Variants in IQCM observed in about 807,000 individuals in gnomAD.
IQCM encodes IQ domain-containing protein M.
A neutral mutation model predicts 57.6 loss-of-function variants in IQCM; 45 were observed. The ratio of observed to expected loss-of-function variants is 0.78; its 90% CI spans 0.62 to 1.00. The LOEUF (loss-of-function observed/expected upper bound fraction) is 1.00, where lower values mean the gene tolerates loss of function less well. Among genes scored for constraint, IQCM ranks in the 50% least tolerant of loss-of-function variants. The pLI is 0.00. For synonymous variants in IQCM, 148 were observed against 158.9 expected (o/e 0.93, Z 0.51); for missense variants, 468 against 511.6 (o/e 0.91, Z 0.82).
At chr4:149,447,486 A>C (rs1560850565) in intron 12 of IQCM, among the ~76,000 whole-genome samples, 1 of 151,664 alleles carries the variant, frequency 6.6e-6, no homozygotes, top group African/African-American at 2.4e-5. Flanking sequence ...TAGAAATGAA[A>C]CATACAAATC....
intron 13 of IQCM, among the ~76,000 whole-genome samples, chr4:149,425,014 A>T (rs1178837652): frequency 6.6e-6 from 1 of 151,982 alleles, no homozygotes; most frequent in Non-Finnish European, 1.5e-5. Context: ...TCCTGATTGT[A>T]CCATTCAGTA....
intron 5 of IQCM, among the ~76,000 whole-genome samples, chr4:149,728,262 T>A (rs763093784): frequency 1.3e-5 from 2 of 152,348 alleles, no homozygotes; most frequent in South Asian, 4.1e-4. Flanking sequence ...CCTATGCATC[T>A]TTTATATCTT....
chr4:149,662,731 G>C (rs375879447), intron 7 of IQCM, among the ~76,000 whole-genome samples: 4 of 151,750 alleles, frequency 2.6e-5, no homozygotes, highest in African/African-American at 4.8e-5. Flanking sequence ...CTCCTGCTCA[G>C]TTTTGTTTTC....
intron 9 of IQCM, among the ~76,000 whole-genome samples, chr4:149,579,236 C>T (rs1054025094): frequency 1.3e-5 from 2 of 151,748 alleles, no homozygotes; most frequent in African/African-American, 4.8e-5. Flanking sequence ...CTCTCTGCTA[C>T]ACCCTTCAGC....
chr4:149,394,148 G>GT, intron 13 of IQCM, among the ~76,000 whole-genome samples: 1 of 151,846 alleles, frequency 6.6e-6, no homozygotes, highest in East Asian at 1.9e-4. Context: ...CTTTTTGTGA[G>GT]TTTTTTGGAT....
intron 12 of IQCM, among the ~76,000 whole-genome samples, chr4:149,519,839 C>T (rs1247229728): frequency 6.6e-6 from 1 of 151,680 alleles, no homozygotes; most frequent in Non-Finnish European, 1.5e-5. Flanking sequence ...CCTGTCTCTA[C>T]TAAAAATACA....
At chr4:149,577,851 T>C (rs945491638) in intron 9 of IQCM, among the ~76,000 whole-genome samples, 1 of 151,804 alleles carries the variant, frequency 6.6e-6, no homozygotes, top group East Asian at 1.9e-4. Context: ...TGATTCTTCC[T>C]ATTAGTAAGC....
At chr4:149,790,547 A>G (rs963998543) in intron 2 of IQCM, among the ~76,000 whole-genome samples, 3 of 152,178 alleles carry the variant, frequency 2.0e-5, no homozygotes, top group Admixed American at 6.5e-5. Flanking sequence ...GTAAGTTATC[A>G]TTACAATTTG....
chr4:149,525,043 A>G (rs1013154230), intron 12 of IQCM, among the ~76,000 whole-genome samples: 20 of 151,846 alleles, frequency 1.3e-4, no homozygotes, highest in African/African-American at 4.8e-4. Context: ...GAAGCACTGG[A>G]ACCCAATGTT....
intron 7 of IQCM, among the ~76,000 whole-genome samples, chr4:149,672,738 G>A (rs1761411555): frequency 6.6e-6 from 1 of 152,078 alleles, no homozygotes; most frequent in Non-Finnish European, 1.5e-5. Flanking sequence ...CCCAGCCTAG[G>A]AAGGCACGCC....
At chr4:149,462,927 G>A (rs535483276) in intron 12 of IQCM, among the ~76,000 whole-genome samples, 1 of 152,252 alleles carries the variant, frequency 6.6e-6, no homozygotes, top group African/African-American at 2.4e-5. Context: ...GGGAGAAAAT[G>A]GATTTGTAGG....
chr4:149,660,417 AG>A (rs1417237035), intron 7 of IQCM, among the ~76,000 whole-genome samples: 1 of 151,938 alleles, frequency 6.6e-6, no homozygotes, highest in Non-Finnish European at 1.5e-5. Context: ...TGTGGAAGTC[AG>A]TGTGGCGATT....
At chr4:149,713,938 A>C (rs1486669914) in intron 5 of IQCM, among the ~76,000 whole-genome samples, 2 of 152,176 alleles carry the variant, frequency 1.3e-5, no homozygotes, top group Admixed American at 1.3e-4. Context: ...GGGAAAAAAG[A>C]AGTGCTCTCT....
At chr4:149,517,490 T>C (rs879754015) in intron 12 of IQCM, among the ~76,000 whole-genome samples, 2 of 152,192 alleles carry the variant, frequency 1.3e-5, no homozygotes, top group Non-Finnish European at 1.5e-5. Flanking sequence ...TATGACCTTA[T>C]TATTGTCTTT....
intron 2 of IQCM, among the ~76,000 whole-genome samples, chr4:149,759,179 T>C (rs935847645): frequency 4.6e-5 from 7 of 152,156 alleles, no homozygotes; most frequent in African/African-American, 1.7e-4. Context: ...CTACATACTA[T>C]ATAATTTCAA....
chr4:149,609,970 A>G (rs1264404903), intron 8 of IQCM, among the ~76,000 whole-genome samples: 1 of 152,016 alleles, frequency 6.6e-6, no homozygotes, highest in East Asian at 1.9e-4. Flanking sequence ...ATGATCACAT[A>G]TTTATAAAAA....
At chr4:149,587,456 A>AT (rs199862184) in intron 9 of IQCM, among the ~76,000 whole-genome samples, 2 of 151,874 alleles carry the variant, frequency 1.3e-5, no homozygotes, top group East Asian at 3.9e-4. Flanking sequence ...CACAAAATCA[A>AT]TGTTTTCAAA....
intron 12 of IQCM, among the ~76,000 whole-genome samples, chr4:149,537,812 T>C (rs1314897565): frequency 6.6e-6 from 1 of 151,798 alleles, no homozygotes; most frequent in East Asian, 1.9e-4. Context: ...GAAGGATATA[T>C]TCAAAATGCT....
intron 13 of IQCM, among the ~76,000 whole-genome samples, chr4:149,368,635 TTTG>T (rs1730010109): frequency 6.6e-6 from 1 of 150,978 alleles, no homozygotes; most frequent in Non-Finnish European, 1.5e-5. Flanking sequence ...GGGCTTTGAA[TTTG>T]AAATTCCTCA....
Sources: gnomAD v4.1 joint callset for allele counts (sites outside exome capture counted in the v4.1 genomes callset) on GRCh38, gnomAD v4.1.1 for gene constraint, MANE v1.5 for transcripts, NCBI Gene and HGNC (gene_info 2026-07-23, HGNC 2026-07-21) for gene names.